Variants in RANBP3L observed in about 807,000 individuals in gnomAD.
RANBP3L encodes ran-binding protein 3-like.
In RANBP3L, 56 loss-of-function variants were observed where a neutral mutation model predicts 67.2. The ratio of observed to expected loss-of-function variants is 0.83; its 90% confidence interval spans 0.67 to 1.04. The LOEUF (loss-of-function observed/expected upper bound fraction) is 1.04. Among genes scored for constraint, RANBP3L ranks in the 50% least tolerant of loss-of-function variants. The pLI is 0.00. For missense variants in RANBP3L, 496 were observed against 535.5 expected, an observed-to-expected ratio of 0.93 and a Z score of 0.73; for synonymous variants, 164 against 181.4, an observed-to-expected ratio of 0.90 and a Z score of 0.77.
At position 36,257,032 on chromosome 5, in the gene RANBP3L, G is replaced by T. The variant is rs16902872; in HGVS notation, c.812C>A (p.Ala271Asp). The change falls in exon 10 of 14, where the codon GCT (alanine) becomes GAT (aspartate). Residue 271 changes from alanine (A) to aspartate (D), a missense_variant. By Grantham distance (126) the Ala-to-Asp change is moderately radical (BLOSUM62 -2). Transcript: ENST00000296604. ...SIKNTSLIES[A>D]AAFSSQPSRK... Reference sequence around the variant, plus strand: ...TGATGGTTGGGAAGAGAATGCAGCAGCTGATTCAATTAGGGAAGTATTTTT... The same window carrying T: ...TGATGGTTGGGAAGAGAATGCAGCATCTGATTCAATTAGGGAAGTATTTTT... 1 of 1,612,358 alleles carries T rather than the reference G, an allele frequency of 6.2e-7. No homozygotes were observed. The highest frequency in any genetic ancestry group is 8.5e-7 in the Non-Finnish European group (1 of 1,178,930).
intron 1 of RANBP3L, among the ~76,000 whole-genome samples, chr5:36,278,623 A>C (rs6873131): frequency 0.011 from 1,615 of 152,306 alleles, 33 homozygotes; most frequent in African/African-American, 0.037. Context: ...TGTTCTGAGT[A>C]AGCTCACAAT....
intron 1 of RANBP3L, among the ~76,000 whole-genome samples, chr5:36,295,276 G>A (rs564233587): frequency 1.2e-3 from 178 of 152,192 alleles, no homozygotes; most frequent in African/African-American, 4.1e-3. Context: ...TGTCATGGGA[G>A]GGACCCAGTG....
intron 1 of RANBP3L, among the ~76,000 whole-genome samples, chr5:36,296,489 T>C (rs908421496): frequency 1.3e-5 from 2 of 152,132 alleles, no homozygotes; most frequent in East Asian, 1.9e-4. Context: ...ATAGATCAAT[T>C]TAAAAAAATT....
intron 13 of RANBP3L, among the ~76,000 whole-genome samples, chr5:36,250,052 G>T (rs1385606684): frequency 1.3e-5 from 2 of 151,830 alleles, no homozygotes; most frequent in Non-Finnish European, 2.9e-5. Flanking sequence ...TATTTTCATT[G>T]TTTTTTATTA....
At chr5:36,300,298 C>T (rs1418736301) in intron 1 of RANBP3L, among the ~76,000 whole-genome samples, 1 of 152,124 alleles carries the variant, frequency 6.6e-6, no homozygotes, top group African/African-American at 2.4e-5. Context: ...TTTCATTTAC[C>T]ATGAAGTATT....
At chr5:36,269,852 T>C (rs1050763140) in intron 3 of RANBP3L, 99 bp downstream of exon 3, 13 of 1,006,012 alleles carry the variant, frequency 1.3e-5, no homozygotes, top group Non-Finnish European at 1.9e-5. Context: ...AGAAAAAACA[T>C]TAACTTTCAC....
At chr5:36,299,333 ATATGTGTGTG>A (rs1455949187) in intron 1 of RANBP3L, among the ~76,000 whole-genome samples, 2 of 130,738 alleles carry the variant, frequency 1.5e-5, no homozygotes, top group Non-Finnish European at 3.1e-5. Flanking sequence ...ACACATACAT[ATATGTGTGTG>A]TGTGTGTGTG....
intron 12 of RANBP3L, among the ~76,000 whole-genome samples, chr5:36,252,937 T>C (rs1167766468): frequency 6.6e-6 from 1 of 152,122 alleles, no homozygotes; most frequent in Non-Finnish European, 1.5e-5. Context: ...TTATTTGTAT[T>C]GTCACCTTCT....
intron 1 of RANBP3L, among the ~76,000 whole-genome samples, chr5:36,272,311 ACATTCT>A (rs1750275635): frequency 6.6e-6 from 1 of 152,208 alleles, no homozygotes; most frequent in Non-Finnish European, 1.5e-5. Context: ...TGATGACAAC[ACATTCT>A]GGATGAGACC....
intron 10 of RANBP3L, 107 bp downstream of exon 10, chr5:36,256,834 C>T: frequency 9.8e-7 from 1 of 1,021,204 alleles, no homozygotes; most frequent in Non-Finnish European, 1.4e-6. Flanking sequence ...ACTTAGTCTC[C>T]ATGAAAACTA....
rs1748368419 is a variant in RANBP3L, at chr5:36,247,796, G to C, written c.*1858C>G. ...CTACTCAGGAGGCTGAGTGAGGCAC[G>C]AGAATCCCTTGAACCCGGGAGGGGG... On this transcript the variant is annotated 3_prime_UTR_variant, in exon 14 of 14. Coordinates refer to ENST00000296604, the MANE Select transcript of RANBP3L (RefSeq NM_145000.5). 6.6e-6 allele frequency among the ~76,000 whole-genome samples: 1 copy of C among 152,210 alleles called. No homozygotes were observed. Among genetic ancestry groups the C allele is most frequent in the African/African-American group, 2.4e-5 (1 of 41,460 alleles).
At position 36,269,705 on chromosome 5, in the gene RANBP3L, G is replaced by A. The variant is rs185812371; in HGVS notation, c.191-238C>T. Among the ~76,000 whole-genome samples, 420 of 152,278 alleles carry A rather than the reference G, an allele frequency of 2.8e-3. 2 individuals carry two copies. Among genetic ancestry groups the A allele is most frequent in the African/African-American group, 9.8e-3 (407 of 41,546 alleles). On this transcript the variant is annotated intron_variant, in intron 3 of 13. Coordinates refer to ENST00000296604, the MANE Select transcript of RANBP3L (RefSeq NM_145000.5). ...CAATAATTTGTATATGCATTCTGAG[G>A]TCTACAGAGAATGCTTTTGATAGGC... is the stretch of plus-strand genomic sequence containing the variant.
intron 1 of RANBP3L, among the ~76,000 whole-genome samples, chr5:36,290,658 T>G (rs377650205): frequency 0.018 from 2,701 of 151,914 alleles, 48 homozygotes; most frequent in African/African-American, 0.04. Flanking sequence ...AAGGATTTTT[T>G]TTTTTATTTT....
At chr5:36,270,060 T>G in intron 2 of RANBP3L, 70 bp from the exon 3 acceptor site, 1 of 1,417,766 alleles carries the variant, frequency 7.1e-7, no homozygotes. Context: ...CAAAAGTTAT[T>G]GCAGTTTTGG....
Position 36,257,041 on chromosome 5 carries a change from A to G in RANBP3L, c.803T>C (p.Ile268Thr), listed in dbSNP as rs1460306623. Reference protein sequence around the residue: ...RTDSIKNTSLIESAAAFSSQP... With the variant: ...RTDSIKNTSLTESAAAFSSQP... ...GGAAGAGAATGCAGCAGCTGATTCA[A>G]TTAGGGAAGTATTTTTAATAGAGTC... The change falls in exon 10 of 14, where the codon ATT (isoleucine) becomes ACT (threonine). Residue 268 changes from isoleucine (I) to threonine (T), a missense_variant. Transcript: ENST00000296604. The G allele has an allele frequency of 6.2e-7, 1 of 1,612,670 alleles. No homozygotes were observed. The highest frequency in any genetic ancestry group is 1.7e-5 in the Admixed American group (1 of 59,942).
chr5:36,275,081 A>C (rs1022351405), intron 1 of RANBP3L, among the ~76,000 whole-genome samples: 1 of 152,196 alleles, frequency 6.6e-6, no homozygotes, highest in African/African-American at 2.4e-5. Context: ...TACTTCATTA[A>C]GAGAAGACAT....
At chr5:36,264,903 C>A in intron 6 of RANBP3L, 56 bp downstream of exon 6, 1 of 1,553,334 alleles carries the variant, frequency 6.4e-7, no homozygotes, top group Non-Finnish European at 8.7e-7. Context: ...CCCAAACAAC[C>A]TGCAAAAAGA....
intron 1 of RANBP3L, among the ~76,000 whole-genome samples, chr5:36,274,140 C>A (rs1750414383): frequency 6.6e-6 from 1 of 152,112 alleles, no homozygotes; most frequent in South Asian, 2.1e-4. Context: ...CTGCCTGATT[C>A]GTAAATTGTT....
chr5:36,280,427 T>C (rs1206267837), intron 1 of RANBP3L, among the ~76,000 whole-genome samples: 1 of 152,196 alleles, frequency 6.6e-6, no homozygotes, highest in African/African-American at 2.4e-5. Context: ...ACTGGGGATC[T>C]TCAGCAGCAA....
Sources: allele counts gnomAD v4.1 joint callset (sites outside exome capture counted in the v4.1 genomes callset), GRCh38; gene constraint gnomAD v4.1.1; transcripts MANE v1.5; gene names NCBI Gene and HGNC (gene_info 2026-07-23, HGNC 2026-07-21).